PTCHD1: variants seen among roughly 807,000 people sequenced by gnomAD.
The protein encoded by PTCHD1 is patched domain containing 1.
In PTCHD1, 3 loss-of-function variants were observed where a neutral mutation model predicts 34.6. That is an observed-to-expected ratio of 0.09 (90% CI 0.04 to 0.22). The LOEUF (loss-of-function observed/expected upper bound fraction) is 0.22, where lower values mean the gene tolerates loss of function less well. Among genes scored for constraint, PTCHD1 ranks in the 10% least tolerant of loss-of-function variants. PTCHD1 has a pLI of 1.00. For missense variants in PTCHD1, 504 were observed against 685.5 expected, an observed-to-expected ratio of 0.74 and a Z score of 2.96; for synonymous variants, 305 against 283.1, an observed-to-expected ratio of 1.08 and a Z score of -0.77.
At chrX:23,385,938 G>A (rs1280643108) in intron 2 of PTCHD1, among the ~76,000 whole-genome samples, 1 of 110,231 alleles carries the variant, frequency 9.1e-6, no homozygotes, top group African/African-American at 3.3e-5. Flanking sequence ...CTCATGTTAT[G>A]TATTTATATG....
At chrX:23,386,510 T>A (rs1922689985) in intron 2 of PTCHD1, among the ~76,000 whole-genome samples, 1 of 112,215 alleles carries the variant, frequency 8.9e-6, no homozygotes, top group South Asian at 3.7e-4. Flanking sequence ...TAAATGTTTA[T>A]AACTGGCAAA....
intron 1 of PTCHD1, among the ~76,000 whole-genome samples, chrX:23,346,926 TC>T (rs1369926061): frequency 1.8e-5 from 2 of 112,207 alleles, no homozygotes; most frequent in African/African-American, 3.2e-5. Flanking sequence ...GTGTCCTTGA[TC>T]AAGTCAGTCA....
Position 23,370,370 on chromosome X carries a change from A to G in PTCHD1, c.352-9221A>G, listed in dbSNP as rs188945280. Among the ~76,000 whole-genome samples, 17 of 112,024 alleles carry G rather than the reference A, an allele frequency of 1.5e-4. No individual in the cohort carries two copies. In the East Asian group the frequency reaches 4.5e-3, roughly 30 times the overall value. Reference sequence around the variant, plus strand: ...AGGCCTTTGCAAGCCGAGTCATAGAAACTATCATAGTTTGACCTTTTGCCC... The same window carrying G: ...AGGCCTTTGCAAGCCGAGTCATAGAGACTATCATAGTTTGACCTTTTGCCC... On this transcript the variant is annotated intron_variant, in intron 1 of 2. Coordinates refer to ENST00000379361, the MANE Select transcript of PTCHD1 (RefSeq NM_173495.3).
chrX:23,342,081 T>C (rs1315141001), intron 1 of PTCHD1, among the ~76,000 whole-genome samples: 1 of 108,065 alleles, frequency 9.3e-6, no homozygotes, highest in African/African-American at 3.3e-5. Flanking sequence ...AGCAAGTGTC[T>C]ACTGTGGGCA....
intron 1 of PTCHD1, among the ~76,000 whole-genome samples, chrX:23,356,373 A>C (rs2146621391): frequency 8.9e-6 from 1 of 112,291 alleles, no homozygotes; most frequent in South Asian, 3.8e-4. Flanking sequence ...AGGATCTAAA[A>C]TGCGTGTCTA....
chrX:23,390,896 A>G (rs956990348), intron 2 of PTCHD1, among the ~76,000 whole-genome samples: 5 of 111,304 alleles, frequency 4.5e-5, no homozygotes, highest in East Asian at 2.8e-4. Context: ...ATACAAGACT[A>G]TTGTACCACA....
chrX:23,357,121 C>G (rs1921829994), intron 1 of PTCHD1, among the ~76,000 whole-genome samples: 1 of 112,003 alleles, frequency 8.9e-6, no homozygotes, highest in Admixed American at 9.5e-5. Flanking sequence ...CTCTGGGGCT[C>G]TTCTTTCTTG....
At chrX:23,391,991 G>A (rs1250898440) in intron 2 of PTCHD1, among the ~76,000 whole-genome samples, 1 of 109,268 alleles carries the variant, frequency 9.2e-6, no homozygotes, top group African/African-American at 3.4e-5. Flanking sequence ...CAAGTAGCTG[G>A]GACTACAGAT....
intron 1 of PTCHD1, among the ~76,000 whole-genome samples, chrX:23,344,988 G>A (rs1921437556): frequency 8.9e-6 from 1 of 112,101 alleles, no homozygotes; most frequent in Admixed American, 9.4e-5. Context: ...GCACTTCACA[G>A]GGAAGAGTGT....
rs770443008 is a variant in PTCHD1 at position 23,335,101 on chromosome X, G to T, written c.226G>T (p.Val76Phe). 4.1e-6 allele frequency: 5 copies of T among 1,211,567 alleles called. No homozygotes were observed. The highest frequency in any genetic ancestry group is 2.2e-5 in the Admixed American group (1 of 46,096). ...ERNLVNSLFP[V>F]NRSKHRLYSD... ...CAACCTCGTTAACAGCCTCTTCCCG[G>T]TCAACCGCTCCAAGCACCGTCTCTA... Residue 76 changes from valine (V) to phenylalanine (F), a missense_variant, in exon 1 of 3, where the codon GTC becomes TTC. By Grantham distance (50) the Val-to-Phe change is conservative (BLOSUM62 -1). Coordinates refer to ENST00000379361, the MANE Select transcript of PTCHD1 (RefSeq NM_173495.3).
intron 1 of PTCHD1, among the ~76,000 whole-genome samples, chrX:23,359,948 C>T (rs976607537): frequency 1.8e-5 from 2 of 111,680 alleles, no homozygotes; most frequent in East Asian, 2.8e-4. Flanking sequence ...TGATGGATTA[C>T]GTTTATTGAT....
intron 1 of PTCHD1, among the ~76,000 whole-genome samples, chrX:23,342,924 C>G (rs1921380078): frequency 8.9e-6 from 1 of 111,997 alleles, no homozygotes; most frequent in African/African-American, 3.2e-5. Flanking sequence ...GCTGTAGACT[C>G]TTATGTAATT....
At chrX:23,339,546 G>A (rs1346570410) in intron 1 of PTCHD1, among the ~76,000 whole-genome samples, 1 of 112,396 alleles carries the variant, frequency 8.9e-6, no homozygotes, top group Non-Finnish European at 1.9e-5. Context: ...TGCAAACAAG[G>A]TTAATAAAAT....
At chrX:23,354,174 T>G (rs987475874) in intron 1 of PTCHD1, among the ~76,000 whole-genome samples, 2 of 110,993 alleles carry the variant, frequency 1.8e-5, no homozygotes, top group South Asian at 3.9e-4. Context: ...CCTCATAGGT[T>G]TTTAATCAAG....
Position 23,392,733 on chromosome X carries a change from T to C in PTCHD1, c.1215T>C (p.Asn405=), listed in dbSNP as rs777156714. The C allele has an allele frequency of 8.3e-7, 1 of 1,210,548 alleles. No individual in the cohort carries two copies. Among genetic ancestry groups the C allele is most frequent in the Non-Finnish European group, 1.1e-6 (1 of 895,141 alleles). The change falls in exon 3 of 3, where the codon AAT becomes AAC. Residue 405 remains asparagine, a synonymous_variant. Transcript: ENST00000379361. The part of the protein sequence containing the change: ...NIEAARIFCC[N]SCIAIFFNYL... ...AGGCAGCCAGGATTTTCTGCTGCAATTCCTGTATTGCAATCTTCTTCAACT... is the reference window on the plus strand; with the variant it reads ...AGGCAGCCAGGATTTTCTGCTGCAACTCCTGTATTGCAATCTTCTTCAACT...
chrX:23,359,872 T>G (rs1255632264), intron 1 of PTCHD1, among the ~76,000 whole-genome samples: 1 of 112,164 alleles, frequency 8.9e-6, no homozygotes, highest in Non-Finnish European at 1.9e-5. Context: ...CTGTTGACTT[T>G]TGTTGAAGGC....
chrX:23,354,228 C>T (rs1316317869), intron 1 of PTCHD1, among the ~76,000 whole-genome samples: 1 of 111,017 alleles, frequency 9.0e-6, no homozygotes, highest in African/African-American at 3.3e-5. Flanking sequence ...AGCAAAGATA[C>T]AGCCTGGAAA....
chrX:23,351,549 C>T (rs181731744), intron 1 of PTCHD1: 32 of 291,466 alleles, frequency 1.1e-4, no homozygotes, highest in Middle Eastern at 1.0e-3. Flanking sequence ...ATCATGAAAC[C>T]TAGGTTTAAA....
At chrX:23,334,602 G>T (rs1921095106), upstream of PTCHD1, 1 of 107,533 alleles carries the variant, frequency 9.3e-6, no homozygotes, top group African/African-American at 3.3e-5. Context: ...GCGGAGTGGG[G>T]GCGGCGCAGA....
Sources: allele counts gnomAD v4.1 joint callset (sites outside exome capture counted in the v4.1 genomes callset), GRCh38; gene constraint gnomAD v4.1.1; transcripts MANE v1.5; gene names NCBI Gene and HGNC (gene_info 2026-07-23, HGNC 2026-07-21).